Variants in OR2L13 observed in about 807,000 individuals in gnomAD.
OR2L13 encodes olfactory receptor 2L13.
A neutral mutation model predicts 15.3 loss-of-function variants in OR2L13; 14 were observed. That is an observed-to-expected ratio of 0.91 (90% CI 0.60 to 1.43). The LOEUF (loss-of-function observed/expected upper bound fraction) is 1.43. Among genes scored for constraint, OR2L13 ranks in the 40% most tolerant of loss-of-function variants. The pLI is 0.00. For missense variants in OR2L13, 367 were observed against 387.9 expected, an observed-to-expected ratio of 0.95 and a Z score of 0.45; for synonymous variants, 152 against 142.9, an observed-to-expected ratio of 1.06 and a Z score of -0.45.
chr1:247,987,625 T>C, the OR2L13 span, among the ~76,000 whole-genome samples: 1 of 152,174 alleles, frequency 6.6e-6, no homozygotes, highest in Non-Finnish European at 1.5e-5. Flanking sequence ...ACCCCAAAGA[T>C]AAGGACTTCA....
the OR2L13 span, among the ~76,000 whole-genome samples, chr1:248,016,967 TGCAA>T: frequency 1.3e-5 from 2 of 152,176 alleles, no homozygotes; most frequent in Non-Finnish European, 2.9e-5. Flanking sequence ...CCTGACATAT[TGCAA>T]GTGCCAGTGT....
the OR2L13 span, among the ~76,000 whole-genome samples, chr1:248,086,049 C>T: frequency 6.6e-6 from 1 of 152,044 alleles, no homozygotes; most frequent in Non-Finnish European, 1.5e-5. Flanking sequence ...ATGAGTTTTG[C>T]ATATCAGAGT....
At chr1:248,019,223 C>T in the OR2L13 span, among the ~76,000 whole-genome samples, 1 of 151,972 alleles carries the variant, frequency 6.6e-6, no homozygotes, top group Admixed American at 6.6e-5. Context: ...TCCAGAAATA[C>T]AATATTTTGA....
At chr1:247,957,362 T>G in the OR2L13 span, among the ~76,000 whole-genome samples, 1 of 152,260 alleles carries the variant, frequency 6.6e-6, no homozygotes, top group East Asian at 1.9e-4. Flanking sequence ...TTACTGAGGA[T>G]TTTTGCGTCG....
At chr1:247,990,399 A>T in the OR2L13 span, 1 of 1,586,706 alleles carries the variant, frequency 6.3e-7, no homozygotes, top group Admixed American at 1.7e-5. Flanking sequence ...CCTATCCATG[A>T]TTCTTCTCAT....
the OR2L13 span, among the ~76,000 whole-genome samples, chr1:248,071,154 C>A: frequency 6.6e-6 from 1 of 152,178 alleles, no homozygotes; most frequent in Non-Finnish European, 1.5e-5. Flanking sequence ...GATACCAAAG[C>A]CAGGCAGAGA....
the OR2L13 span, among the ~76,000 whole-genome samples, chr1:248,031,352 C>T: frequency 6.6e-6 from 1 of 152,222 alleles, no homozygotes; most frequent in Non-Finnish European, 1.5e-5. Context: ...AACACATCTC[C>T]TGCCCCTCAG....
At chr1:247,968,841 A>G in the OR2L13 span, among the ~76,000 whole-genome samples, 1 of 152,054 alleles carries the variant, frequency 6.6e-6, no homozygotes, top group Admixed American at 6.6e-5. Context: ...ATGATTTATA[A>G]TCCTTTGGGT....
At chr1:248,038,494 T>C in the OR2L13 span, 2 of 1,613,888 alleles carry the variant, frequency 1.2e-6, no homozygotes, top group Non-Finnish European at 8.5e-7. Context: ...ATCTCCACCA[T>C]TGTTCCAAAG....
At chr1:247,988,676 A>G in the OR2L13 span, among the ~76,000 whole-genome samples, 6 of 152,292 alleles carry the variant, frequency 3.9e-5, no homozygotes, top group Non-Finnish European at 8.8e-5. Context: ...TTAAGCCTAA[A>G]GACTTCAGTC....
the OR2L13 span, among the ~76,000 whole-genome samples, chr1:248,071,070 C>T: frequency 6.6e-6 from 1 of 152,148 alleles, no homozygotes; most frequent in Admixed American, 6.5e-5. Context: ...GGTACCATTC[C>T]TTCTGAAACT....
the OR2L13 span, among the ~76,000 whole-genome samples, chr1:248,017,119 G>C: frequency 3.9e-5 from 6 of 152,020 alleles, no homozygotes; most frequent in African/African-American, 1.4e-4. Flanking sequence ...TCTTTTGTAT[G>C]ACATCATTAA....
chr1:247,946,320 T>G, the OR2L13 span, among the ~76,000 whole-genome samples: 1 of 152,198 alleles, frequency 6.6e-6, no homozygotes, highest in African/African-American at 2.4e-5. Flanking sequence ...TTTTTATTTC[T>G]TTCTTATTTA....
chr1:247,977,204 T>C, the OR2L13 span, among the ~76,000 whole-genome samples: 2 of 152,184 alleles, frequency 1.3e-5, no homozygotes, highest in Admixed American at 6.5e-5. Flanking sequence ...AAATTATTCA[T>C]ACCTCAAAGC....
At chr1:248,042,333 C>T in the OR2L13 span, 1 of 123,780 alleles carries the variant, frequency 8.1e-6, no homozygotes. Flanking sequence ...GGAAGGGGAA[C>T]ATCACACTCT....
the OR2L13 span, among the ~76,000 whole-genome samples, chr1:247,941,300 T>G: frequency 1.3e-5 from 2 of 152,160 alleles, no homozygotes; most frequent in East Asian, 3.9e-4. Context: ...TTTTGGAGAC[T>G]TATAAGTCAG....
At chr1:248,096,202 C>A (rs181585209), upstream of OR2L13, among the ~76,000 whole-genome samples, 1 of 151,876 alleles carries the variant, frequency 6.6e-6, no homozygotes, top group Non-Finnish European at 1.5e-5. Context: ...CACAGTGAAA[C>A]CCGGTCTCTA....
At chr1:248,073,076 C>T in the OR2L13 span, among the ~76,000 whole-genome samples, 2 of 151,290 alleles carry the variant, frequency 1.3e-5, no homozygotes, top group Non-Finnish European at 2.9e-5. Context: ...GGCGATTCCT[C>T]AGGGATCCAG....
At chr1:247,982,728 G>C in the OR2L13 span, among the ~76,000 whole-genome samples, 3 of 152,064 alleles carry the variant, frequency 2.0e-5, no homozygotes, top group African/African-American at 7.2e-5. Context: ...GTTGTTGCTG[G>C]ATCAAGTGAA....
Sources: allele counts gnomAD v4.1 joint callset (sites outside exome capture counted in the v4.1 genomes callset), GRCh38; gene constraint gnomAD v4.1.1; transcripts MANE v1.5; gene names NCBI Gene and HGNC (gene_info 2026-07-23, HGNC 2026-07-21).